ZNF804A: variants seen among roughly 807,000 people sequenced by gnomAD.
ZNF804A encodes zinc finger protein 804A.
ZNF804A carries 2 observed loss-of-function variants against 16.5 expected under a neutral mutation model. That is an observed-to-expected ratio of 0.12 (90% CI 0.05 to 0.38). The LOEUF (loss-of-function observed/expected upper bound fraction) is 0.38, where lower values mean the gene tolerates loss of function less well. Ranked by LOEUF, ZNF804A falls within the 10% of genes least tolerant of loss-of-function variation. The pLI, the probability that ZNF804A is intolerant of heterozygous loss-of-function variation, is 0.99. For synonymous variants in ZNF804A, 534 were observed against 489.6 expected, an observed-to-expected ratio of 1.09 and a Z score of -1.20; for missense variants, 1,473 against 1,390.7, an observed-to-expected ratio of 1.06 and a Z score of -0.94.
chr2:184,892,319 T>C (rs1046600346), intron 2 of ZNF804A, among the ~76,000 whole-genome samples: 3 of 152,042 alleles, frequency 2.0e-5, no homozygotes, highest in Admixed American at 1.3e-4. Flanking sequence ...CCCAGCCCCA[T>C]GGTGTGTCAG....
intron 1 of ZNF804A, among the ~76,000 whole-genome samples, chr2:184,732,284 C>T (rs1010280537): frequency 6.6e-6 from 1 of 151,252 alleles, no homozygotes; most frequent in Non-Finnish European, 1.5e-5. Flanking sequence ...TCCAGTTGTA[C>T]TAGCATACTT....
intron 2 of ZNF804A, 90 bp from the exon 3 acceptor site, chr2:184,933,513 T>C: frequency 1.6e-6 from 2 of 1,235,744 alleles, no homozygotes; most frequent in Non-Finnish European, 2.2e-6. Flanking sequence ...TCAAAGATGA[T>C]GCATTGGAAA....
chr2:184,939,204 T>C lies in ZNF804A; in HGVS notation c.*178T>C, dbSNP rs1284767765. The C allele has an allele frequency of 3.0e-6, 2 of 661,412 alleles. No homozygotes were observed. Among genetic ancestry groups the C allele is most frequent in the Non-Finnish European group, 5.0e-6 (2 of 400,322 alleles). The allele number at this position is 661,412 out of a possible 1,614,324, so 41.0% of individuals were successfully genotyped here. A position where few individuals can be genotyped will look rare whatever the true frequency, so the allele number is the denominator to read the frequency against. On this transcript the variant is annotated 3_prime_UTR_variant, in exon 4 of 4. Transcript: ENST00000302277. The stretch of plus-strand genomic sequence containing the variant: ...TGATGCAAATAAATCCCTAAGTTTC[T>C]GATATATAATATTATTAAAGCACTG...
At chr2:184,761,779 G>A (rs1450113329) in intron 1 of ZNF804A, among the ~76,000 whole-genome samples, 1 of 152,100 alleles carries the variant, frequency 6.6e-6, no homozygotes, top group Admixed American at 6.6e-5. Flanking sequence ...TGATGTAAGT[G>A]TCTGCAATTG....
At chr2:184,634,182 T>C (rs905731415) in intron 1 of ZNF804A, among the ~76,000 whole-genome samples, 2 of 152,256 alleles carry the variant, frequency 1.3e-5, no homozygotes, top group African/African-American at 4.8e-5. Flanking sequence ...TGTTACAATA[T>C]GTCAAAACTT....
intron 2 of ZNF804A, among the ~76,000 whole-genome samples, chr2:184,892,888 A>T (rs1287438009): frequency 1.3e-5 from 2 of 151,940 alleles, no homozygotes; most frequent in African/African-American, 2.4e-5. Context: ...TTATGATTAT[A>T]TTTTGTTCAT....
chr2:184,732,942 G>A (rs1559137421), intron 1 of ZNF804A, among the ~76,000 whole-genome samples: 1 of 152,002 alleles, frequency 6.6e-6, no homozygotes, highest in East Asian at 1.9e-4. Context: ...TGATTCTTTT[G>A]TATTTTCTAC....
At position 184,836,212 on chromosome 2, in the gene ZNF804A, G is replaced by A. The variant is rs753936777; in HGVS notation, c.112-30157G>A. ...TTTAATACCAAAGAAGTCTTTCTTG[G>A]GGAAAGAGAAAAAGGATAGATAATG... On this transcript the variant is annotated intron_variant, in intron 1 of 3. Transcript: ENST00000302277. Among the ~76,000 whole-genome samples, 121 of 152,058 alleles carry A rather than the reference G, an allele frequency of 8.0e-4. 1 individual carries two copies. The highest frequency in any genetic ancestry group is 1.8e-4 in the Non-Finnish European group (12 of 67,988).
chr2:184,933,230 A>G (rs1480258699), intron 2 of ZNF804A, among the ~76,000 whole-genome samples: 2 of 152,162 alleles, frequency 1.3e-5, no homozygotes, highest in East Asian at 3.8e-4. Flanking sequence ...CATATTATAT[A>G]TAACAGAAAT....
rs148362856 is a variant in ZNF804A at position 184,777,763 on chromosome 2, T to C, written c.112-88606T>C. Among the ~76,000 whole-genome samples, 408 of 151,766 alleles carry C rather than the reference T, an allele frequency of 2.7e-3. 2 individuals are homozygous for C. The highest frequency in any genetic ancestry group is 9.3e-3 in the African/African-American group (387 of 41,506). ...GTTGAATGATTTCATGAAATGTGTT[T>C]AGTGGGTTGTTTGTCCTTTAGAGTT... is the stretch of plus-strand genomic sequence containing the variant. On this transcript the variant is annotated intron_variant, in intron 1 of 3. Transcript: ENST00000302277.
chr2:184,662,047 G>A (rs184522474), intron 1 of ZNF804A, among the ~76,000 whole-genome samples: 10 of 152,260 alleles, frequency 6.6e-5, no homozygotes, highest in Admixed American at 3.9e-4. Context: ...TCAGTTTAAC[G>A]ACAATTCTTT....
At chr2:184,690,192 A>G (rs894586596) in intron 1 of ZNF804A, among the ~76,000 whole-genome samples, 3 of 72,652 alleles carry the variant, frequency 4.1e-5, no homozygotes, top group African/African-American at 1.2e-4. Flanking sequence ...AAGTCTCAGG[A>G]AAAAAAAAAA....
chr2:184,621,161 A>G (rs1383027184), intron 1 of ZNF804A, among the ~76,000 whole-genome samples: 3 of 151,720 alleles, frequency 2.0e-5, no homozygotes, highest in Non-Finnish European at 4.4e-5. Flanking sequence ...TTTTAGTTCT[A>G]TTTTCAAAAT....
At chr2:184,793,003 G>A (rs1471161699) in intron 1 of ZNF804A, among the ~76,000 whole-genome samples, 1 of 151,974 alleles carries the variant, frequency 6.6e-6, no homozygotes, top group African/African-American at 2.4e-5. Flanking sequence ...TTTATCCCAT[G>A]TATAAGTGAG....
chr2:184,617,066 C>G (rs1315901675), intron 1 of ZNF804A, among the ~76,000 whole-genome samples: 1 of 151,742 alleles, frequency 6.6e-6, no homozygotes, highest in Non-Finnish European at 1.5e-5. Context: ...AGAAAATTAG[C>G]TATACATTTG....
chr2:184,867,247 A>G (rs1448703617), intron 2 of ZNF804A, among the ~76,000 whole-genome samples: 1 of 152,130 alleles, frequency 6.6e-6, no homozygotes, highest in Non-Finnish European at 1.5e-5. Context: ...TTCATTGTTT[A>G]GCTAACTTGA....
intron 1 of ZNF804A, among the ~76,000 whole-genome samples, chr2:184,829,820 G>T (rs1352049645): frequency 1.6e-4 from 24 of 146,784 alleles, no homozygotes; most frequent in African/African-American, 6.0e-4. Flanking sequence ...CTAGCATTTT[G>T]GAAGGCCAAG....
At chr2:184,728,247 T>C (rs1467180643) in intron 1 of ZNF804A, among the ~76,000 whole-genome samples, 1 of 151,796 alleles carries the variant, frequency 6.6e-6, no homozygotes, top group African/African-American at 2.4e-5. Context: ...AACAGGCATC[T>C]GAGGATACAA....
In ZNF804A at chr2:184,676,840, C is replaced by T. The variant is rs140921906; in HGVS notation, c.111+77770C>T. On this transcript the variant is annotated intron_variant, in intron 1 of 3. Transcript: ENST00000302277. ...CTTCTGAAGTGGACTATGTTCAGTA[C>T]ATCTTACATTAAAAAACAAAACTGT... is the stretch of plus-strand genomic sequence containing the variant. Among the ~76,000 whole-genome samples, 474 of 151,738 alleles carry T rather than the reference C, an allele frequency of 3.1e-3. 2 individuals carry two copies. Among genetic ancestry groups the T allele is most frequent in the African/African-American group, 8.6e-3 (356 of 41,506 alleles).
Sources: allele counts gnomAD v4.1 joint callset (sites outside exome capture counted in the v4.1 genomes callset), GRCh38; gene constraint gnomAD v4.1.1; transcripts MANE v1.5; gene names NCBI Gene and HGNC (gene_info 2026-07-23, HGNC 2026-07-21).